Variants in AP3D1 observed in about 807,000 individuals in gnomAD.
The protein encoded by AP3D1 is adaptor related protein complex 3 subunit delta 1, also known as AP-3 complex subunit delta-1.
AP3D1 carries 51 observed loss-of-function variants against 147.6 expected under a neutral mutation model. The ratio of observed to expected loss-of-function variants is 0.35; its 90% CI spans 0.28 to 0.44. The LOEUF (loss-of-function observed/expected upper bound fraction) is 0.44, where lower values mean the gene tolerates loss of function less well. Among genes scored for constraint, AP3D1 ranks in the 20% least tolerant of loss-of-function variants. AP3D1 has a pLI of 1.00. For synonymous variants in AP3D1, 760 were observed against 663.0 expected (o/e 1.15, Z -2.25); for missense variants, 1,421 against 1,624.2 (o/e 0.87, Z 2.15).
intron 8 of AP3D1, among the ~76,000 whole-genome samples, chr19:2,128,219 G>T (rs2018814508): frequency 6.6e-6 from 1 of 152,134 alleles, no homozygotes; most frequent in African/African-American, 2.4e-5. Flanking sequence ...AGGCAGCCTG[G>T]CCTGAAAAGG....
intron 1 of AP3D1, among the ~76,000 whole-genome samples, chr19:2,159,178 C>T (rs547956244): frequency 4.0e-5 from 6 of 149,996 alleles, no homozygotes; most frequent in African/African-American, 9.8e-5. Flanking sequence ...TTAGTAGAGA[C>T]GGGGTTTCAC....
intron 9 of AP3D1, among the ~76,000 whole-genome samples, chr19:2,126,668 A>AG (rs1348339519): frequency 1.3e-5 from 2 of 151,494 alleles, no homozygotes; most frequent in Non-Finnish European, 2.9e-5. Context: ...AAAAAAAAAA[A>AG]AAAGAAAGAA....
chr19:2,156,718 G>A (rs963982849), intron 1 of AP3D1, among the ~76,000 whole-genome samples: 1 of 151,956 alleles, frequency 6.6e-6, no homozygotes, highest in African/African-American at 2.4e-5. Flanking sequence ...GCTTGGTGGC[G>A]GGTGCCTGTA....
intron 31 of AP3D1, among the ~76,000 whole-genome samples, chr19:2,104,309 C>G (rs1010215883): frequency 7.2e-6 from 1 of 138,136 alleles, no homozygotes; most frequent in East Asian, 2.0e-4. Flanking sequence ...GACACCAACA[C>G]GCAGACCCCA....
intron 14 of AP3D1, among the ~76,000 whole-genome samples, chr19:2,120,120 G>C (rs1198672114): frequency 6.6e-6 from 1 of 152,200 alleles, no homozygotes; most frequent in African/African-American, 2.4e-5. Context: ...GCCAGTGGTG[G>C]TGATGGGGCC....
At position 2,102,147 on chromosome 19, in the gene AP3D1, G is replaced by A. The variant is rs761392853; in HGVS notation, c.*26C>T. ...CGGTCCCTGGGTACGTGCTCCGCGGGGTGGTGCGGGGCTCGCAGGCAGCTC... is the reference window on the plus strand; with the variant it reads ...CGGTCCCTGGGTACGTGCTCCGCGGAGTGGTGCGGGGCTCGCAGGCAGCTC... On this transcript the variant is annotated 3_prime_UTR_variant, in exon 32 of 32. Coordinates refer to ENST00000643116, the MANE Select transcript of AP3D1 (RefSeq NM_001261826.3). 6.3e-7 allele frequency: 1 copy of A among 1,584,828 alleles called. No homozygotes were observed. The highest frequency in any genetic ancestry group is 8.7e-7 in the Non-Finnish European group (1 of 1,154,836).
At chr19:2,142,696 C>T (rs746131019) in intron 1 of AP3D1, among the ~76,000 whole-genome samples, 4 of 151,926 alleles carry the variant, frequency 2.6e-5, no homozygotes, top group Non-Finnish European at 5.9e-5. Flanking sequence ...GCTCACCCAG[C>T]TCATGAGAGC....
At chr19:2,161,896 T>G (rs961974710) in intron 1 of AP3D1, among the ~76,000 whole-genome samples, 13 of 151,942 alleles carry the variant, frequency 8.6e-5, no homozygotes, top group African/African-American at 3.1e-4. Flanking sequence ...TTGTAGTGAC[T>G]GGAGATCCCA....
chr19:2,146,905 G>T (rs2019370891), intron 1 of AP3D1, among the ~76,000 whole-genome samples: 1 of 152,220 alleles, frequency 6.6e-6, no homozygotes, highest in Admixed American at 6.5e-5. Flanking sequence ...CCCTGGCACG[G>T]AGTGGGTGGG....
intron 1 of AP3D1, chr19:2,164,188 G>T: frequency 8.0e-7 from 1 of 1,252,760 alleles, no homozygotes. Flanking sequence ...CGCGGACATG[G>T]GGGAGAAGCT....
upstream of AP3D1, among the ~76,000 whole-genome samples, chr19:2,154,906 G>A (rs1034531390): frequency 6.6e-6 from 1 of 152,220 alleles, no homozygotes; most frequent in Non-Finnish European, 1.5e-5. Flanking sequence ...GAGGCCAGGC[G>A]GGGCGGCCAG....
At chr19:2,157,859 A>G (rs1229233094) in intron 1 of AP3D1, among the ~76,000 whole-genome samples, 1 of 152,224 alleles carries the variant, frequency 6.6e-6, no homozygotes, top group Non-Finnish European at 1.5e-5. Flanking sequence ...ATGTCAGGAC[A>G]AATGGAAGAG....
intron 10 of AP3D1, 130 bp downstream of exon 10, chr19:2,123,700 G>A: frequency 8.7e-7 from 1 of 1,143,706 alleles, no homozygotes; most frequent in Non-Finnish European, 1.3e-6. Context: ...ACGCGGCTGT[G>A]CCCTCCCAAG....
chr19:2,129,339 G>A lies in AP3D1; in HGVS notation c.711C>T (p.Val237=). The A allele has an allele frequency of 6.2e-7, 1 of 1,614,036 alleles. No homozygotes were observed. Among genetic ancestry groups the A allele is most frequent in the South Asian group, 1.1e-5 (1 of 91,068 alleles). The part of the protein sequence containing the change: ...KLMTSSTNNW[V]LIKIIKLFGA... ...TTGCCAGCTTGATGATCTTGATGAG[G>A]ACCCAGTTGTTGGTGGAGGACGTCA... The change falls in exon 7 of 32, where the codon GTC becomes GTT. Residue 237 remains valine (V), a synonymous_variant. Transcript: ENST00000643116.
intron 5 of AP3D1, among the ~76,000 whole-genome samples, chr19:2,132,115 G>A (rs1213560309): frequency 6.6e-6 from 1 of 152,160 alleles, no homozygotes; most frequent in Non-Finnish European, 1.5e-5. Context: ...GCAAGGAGGA[G>A]TCAAGCTGTG....
chr19:2,131,706 CG>C (rs1417192392), intron 5 of AP3D1, among the ~76,000 whole-genome samples: 2 of 76,078 alleles, frequency 2.6e-5, no homozygotes, highest in East Asian at 7.6e-4. Flanking sequence ...TAGACACCTC[CG>C]GGCGGACAGG....
intron 1 of AP3D1, among the ~76,000 whole-genome samples, chr19:2,146,329 C>T (rs1258162398): frequency 6.6e-6 from 1 of 152,178 alleles, no homozygotes; most frequent in Non-Finnish European, 1.5e-5. Context: ...ACAGGCCGGG[C>T]ACACTGGCTC....
At chr19:2,159,485 T>C (rs1458783621) in intron 1 of AP3D1, among the ~76,000 whole-genome samples, 2 of 146,978 alleles carry the variant, frequency 1.4e-5, no homozygotes, top group African/African-American at 5.1e-5. Context: ...GCCTCCCGGG[T>C]TCAAGCGATT....
At chr19:2,111,026 C>T (rs2018259964) in intron 26 of AP3D1, 130 bp from the exon 27 acceptor site, 5 of 1,099,828 alleles carry the variant, frequency 4.5e-6, no homozygotes, top group South Asian at 3.1e-5. Flanking sequence ...AGAGGGGCGC[C>T]CCCTAGCCGC....
Sources: allele counts gnomAD v4.1 joint callset (sites outside exome capture counted in the v4.1 genomes callset), GRCh38; gene constraint gnomAD v4.1.1; transcripts MANE v1.5; gene names NCBI Gene and HGNC (gene_info 2026-07-23, HGNC 2026-07-21).